The following THSD7B variants were observed in gnomAD, a reference collection of about 807,000 sequenced individuals.
THSD7B encodes the protein thrombospondin type-1 domain-containing protein 7B.
Under a neutral mutation model 213.6 loss-of-function variants are expected in THSD7B, and 138 were observed. The observed-to-expected ratio is 0.65, with a 90% CI of 0.56 to 0.74. The LOEUF (loss-of-function observed/expected upper bound fraction) is 0.74, where lower values mean the gene tolerates loss of function less well. THSD7B is among the 30% of genes least tolerant of loss of function. THSD7B has a pLI of 0.00. For missense variants in THSD7B, 1,931 were observed against 1,991.5 expected, an observed-to-expected ratio of 0.97 and a Z score of 0.58; for synonymous variants, 742 against 687.0, an observed-to-expected ratio of 1.08 and a Z score of -1.25.
At chr2:137,606,432 A>C (rs977665044) in intron 17 of THSD7B, among the ~76,000 whole-genome samples, 12 of 152,266 alleles carry the variant, frequency 7.9e-5, no homozygotes, top group East Asian at 1.9e-4. Flanking sequence ...CTTTGGTGGA[A>C]GAAGAAAGGA....
At chr2:136,826,383 CTT>C (rs1682646761) in intron 1 of THSD7B, among the ~76,000 whole-genome samples, 1 of 152,202 alleles carries the variant, frequency 6.6e-6, no homozygotes, top group Non-Finnish European at 1.5e-5. Context: ...GATTCATCCT[CTT>C]TTCCCTGAAG....
At chr2:137,197,348 T>TA (rs1680785105) in intron 7 of THSD7B, among the ~76,000 whole-genome samples, 1 of 152,170 alleles carries the variant, frequency 6.6e-6, no homozygotes, top group Admixed American at 6.6e-5. Flanking sequence ...TGCTAAAAGC[T>TA]AAACTTCGGG....
At position 136,888,947 on chromosome 2, in the gene THSD7B, GTGT is replaced by G. The variant is rs760438566; in HGVS notation, c.139+6631_139+6633del. Among the ~76,000 whole-genome samples the G allele has an allele frequency of 3.4e-3, 440 of 130,710 alleles. 9 individuals carry two copies. The East Asian group carries it at 0.11, about 33-fold the overall frequency. 85.8% of individuals were successfully genotyped at this position (130,710 alleles called of 152,430 possible). A position where few individuals can be genotyped will look rare whatever the true frequency, so the allele number is the denominator to read the frequency against. On this transcript the variant is annotated intron_variant, in intron 2 of 27. Coordinates refer to ENST00000409968, the MANE Select transcript of THSD7B (RefSeq NM_001316349.2). ...AATAAGGGACACTGTCTTTTGGGGT[GTGT>G]GTGTGTGTGTGTGTGTGTGCTTGTG...
intron 15 of THSD7B, among the ~76,000 whole-genome samples, chr2:137,476,999 A>G (rs1688208193): frequency 1.3e-5 from 2 of 152,204 alleles, no homozygotes; most frequent in African/African-American, 2.4e-5. Flanking sequence ...TAGGTGTTGG[A>G]TGAAATGTTC....
chr2:137,245,057 C>T (rs1681995667), intron 10 of THSD7B, among the ~76,000 whole-genome samples: 1 of 151,988 alleles, frequency 6.6e-6, no homozygotes, highest in Non-Finnish European at 1.5e-5. Context: ...GAATGGTGAC[C>T]CTCCTCCTCC....
intron 12 of THSD7B, among the ~76,000 whole-genome samples, chr2:137,314,143 C>A (rs1313232748): frequency 1.3e-5 from 2 of 152,302 alleles, no homozygotes; most frequent in Non-Finnish European, 2.9e-5. Context: ...TTCAGGTACA[C>A]CAATCAGATG....
chr2:137,547,938 T>A (rs2105202353), intron 15 of THSD7B, among the ~76,000 whole-genome samples: 1 of 152,086 alleles, frequency 6.6e-6, no homozygotes, highest in Middle Eastern at 3.4e-3. Context: ...CTTTTGGATG[T>A]GATCCTGGAA....
chr2:137,485,307 G>T (rs1203353988), intron 15 of THSD7B, among the ~76,000 whole-genome samples: 1 of 149,466 alleles, frequency 6.7e-6, no homozygotes, highest in East Asian at 2.0e-4. Context: ...GTTTTTCTCA[G>T]GTTTGTCAAA....
chr2:137,040,915 A>G (rs1319383415), intron 2 of THSD7B, among the ~76,000 whole-genome samples: 1 of 152,242 alleles, frequency 6.6e-6, no homozygotes, highest in Non-Finnish European at 1.5e-5. Context: ...TCATCAGGAC[A>G]GGAATTATGA....
intron 1 of THSD7B, among the ~76,000 whole-genome samples, chr2:136,774,722 G>C (rs1345776419): frequency 1.3e-5 from 2 of 152,104 alleles, no homozygotes; most frequent in African/African-American, 4.8e-5. Flanking sequence ...GAACTACCTT[G>C]TGGAGACAGA....
intron 1 of THSD7B, among the ~76,000 whole-genome samples, chr2:136,848,661 A>AT (rs1230503722): frequency 6.6e-6 from 1 of 152,114 alleles, no homozygotes; most frequent in Admixed American, 6.6e-5. Flanking sequence ...TTTTAATCCA[A>AT]TTTTTGCCTA....
chr2:137,479,708 T>C (rs892933236), intron 15 of THSD7B, among the ~76,000 whole-genome samples: 1 of 152,186 alleles, frequency 6.6e-6, no homozygotes, highest in African/African-American at 2.4e-5. Flanking sequence ...AAATGGTGCC[T>C]GGCTGCTGGC....
intron 2 of THSD7B, among the ~76,000 whole-genome samples, chr2:137,034,450 A>G (rs1301724409): frequency 6.6e-6 from 1 of 152,056 alleles, no homozygotes; most frequent in Non-Finnish European, 1.5e-5. Flanking sequence ...AGGTTTTGGG[A>G]TACATGTCCT....
chr2:136,806,931 C>G (rs1055560090), intron 1 of THSD7B, among the ~76,000 whole-genome samples: 2 of 152,090 alleles, frequency 1.3e-5, no homozygotes, highest in Non-Finnish European at 2.9e-5. Context: ...GTAGAATGCT[C>G]TTTATTTGGG....
chr2:136,976,531 T>A (rs1374654505), intron 2 of THSD7B, among the ~76,000 whole-genome samples: 1 of 152,192 alleles, frequency 6.6e-6, no homozygotes, highest in East Asian at 1.9e-4. Flanking sequence ...AACTTGACTG[T>A]GGTGGATAAG....
chr2:137,131,561 G>A (rs1458374603), intron 5 of THSD7B, among the ~76,000 whole-genome samples: 1 of 152,182 alleles, frequency 6.6e-6, no homozygotes, highest in African/African-American at 2.4e-5. Context: ...TTTGTATAAG[G>A]TGTAAGGAAG....
At position 137,663,594 on chromosome 2, in the gene THSD7B, T is replaced by A. The variant is rs1473806893; in HGVS notation, c.4651+19T>A. ...GATCCAGGTGAGTTTCAGTTGTGAG[T>A]AAGAAATGAAAATTTTCTCATGGGA... On this transcript the variant is annotated intron_variant, in intron 26 of 27. Coordinates refer to ENST00000409968, the MANE Select transcript of THSD7B (RefSeq NM_001316349.2). 2 of 1,581,170 alleles carry A rather than the reference T, an allele frequency of 1.3e-6. No individual in the cohort carries two copies. Among genetic ancestry groups the A allele is most frequent in the Non-Finnish European group, 1.7e-6 (2 of 1,163,750 alleles).
At chr2:136,813,635 T>G (rs576924188) in intron 1 of THSD7B, among the ~76,000 whole-genome samples, 1 of 138,102 alleles carries the variant, frequency 7.2e-6, no homozygotes, top group South Asian at 2.3e-4. Context: ...TCACGTGCTA[T>G]TCTATCATTT....
intron 12 of THSD7B, among the ~76,000 whole-genome samples, chr2:137,324,051 A>T (rs1395359135): frequency 6.6e-6 from 1 of 152,206 alleles, no homozygotes; most frequent in South Asian, 2.1e-4. Context: ...GACTTGGATT[A>T]TCTTTTCCCT....
Sources: allele counts gnomAD v4.1 joint callset (sites outside exome capture counted in the v4.1 genomes callset), GRCh38; gene constraint gnomAD v4.1.1; transcripts MANE v1.5; gene names NCBI Gene and HGNC (gene_info 2026-07-23, HGNC 2026-07-21).